POLR3A: variants seen among roughly 807,000 people sequenced by gnomAD.
The protein encoded by POLR3A is DNA-directed RNA polymerase III subunit RPC1.
Under a neutral mutation model 152.8 loss-of-function variants are expected in POLR3A, and 112 were observed. The ratio of observed to expected loss-of-function variants is 0.73; its 90% confidence interval spans 0.63 to 0.86. The LOEUF (loss-of-function observed/expected upper bound fraction) is 0.86. Ranked by LOEUF, POLR3A falls within the 40% of genes least tolerant of loss-of-function variation. The pLI is 0.00. For missense variants in POLR3A, 1,385 were observed against 1,743.1 expected, an observed-to-expected ratio of 0.79 and a Z score of 3.66; for synonymous variants, 615 against 652.1, an observed-to-expected ratio of 0.94 and a Z score of 0.87.
rs180866130 is a variant in POLR3A at position 77,977,277 on chromosome 10, C to A, written c.*201G>T. ...TAAAACCCTCAGCTCTCCCGAGCAGCGTGGCACAGTCAGGGTCACTGGTGT... is the reference window on the plus strand; with the variant it reads ...TAAAACCCTCAGCTCTCCCGAGCAGAGTGGCACAGTCAGGGTCACTGGTGT... On this transcript the variant is annotated 3_prime_UTR_variant, in exon 31 of 31. Coordinates refer to ENST00000372371, the MANE Select transcript of POLR3A (RefSeq NM_007055.4). 3 of 637,722 alleles carry A rather than the reference C, an allele frequency of 4.7e-6. No homozygotes were observed. The highest frequency in any genetic ancestry group is 2.8e-6 in the Non-Finnish European group (1 of 356,616). 39.5% of individuals were successfully genotyped at this position (637,722 alleles called of 1,614,324 possible).
At chr10:78,020,928 TTTAG>T (rs1203763735) in intron 8 of POLR3A, among the ~76,000 whole-genome samples, 5 of 152,190 alleles carry the variant, frequency 3.3e-5, no homozygotes, top group Non-Finnish European at 7.3e-5. Context: ...ATGTTTACCA[TTTAG>T]TTAGTTTAAA....
In POLR3A at chr10:78,004,999, G is replaced by A. The variant is rs76984671; in HGVS notation, c.2075-111C>T. ...TTTGTACTATATATAAACTATGTAT[G>A]TATAGTTTAAAGTATAAAAAAGTGT... On this transcript the variant is annotated intron_variant, in intron 15 of 30. Coordinates refer to ENST00000372371, the MANE Select transcript of POLR3A (RefSeq NM_007055.4). 1,001 of 828,324 alleles carry A rather than the reference G, an allele frequency of 1.2e-3. 12 individuals are homozygous for A. The East Asian group carries it at 0.024, about 20-fold the overall frequency. The allele number at this position is 828,324 out of a possible 1,614,324, so 51.3% of individuals were successfully genotyped here.
At chr10:78,022,124 A>G in intron 6 of POLR3A, 21 bp downstream of exon 6, 2 of 1,614,180 alleles carry the variant, frequency 1.2e-6, no homozygotes, top group Non-Finnish European at 8.5e-7. Flanking sequence ...TGAAACTTAC[A>G]AGGAAATGGG....
chr10:78,004,037 C>T (rs1330898552), intron 16 of POLR3A, among the ~76,000 whole-genome samples: 3 of 118,550 alleles, frequency 2.5e-5, no homozygotes, highest in South Asian at 2.9e-4. Context: ...AGATCGAGAC[C>T]GTGCTGGCCA....
chr10:77,975,902 A>G lies in POLR3A; in HGVS notation c.*1576T>C, dbSNP rs1359800118. 1 of 151,640 alleles carries G rather than the reference A, an allele frequency of 6.6e-6. No homozygotes were observed. Among genetic ancestry groups the G allele is most frequent in the Admixed American group, 6.6e-5 (1 of 15,202 alleles). 9.4% of individuals were successfully genotyped at this position (151,640 alleles called of 1,614,324 possible). Reference sequence around the variant, plus strand: ...AACTGGTGATCTCGGTGGGGTCTCAAGTAGAAGCCCTGAATTAGTGTTCAT... The same window carrying G: ...AACTGGTGATCTCGGTGGGGTCTCAGGTAGAAGCCCTGAATTAGTGTTCAT... On this transcript the variant is annotated 3_prime_UTR_variant, in exon 31 of 31. Coordinates refer to ENST00000372371, the MANE Select transcript of POLR3A (RefSeq NM_007055.4).
In POLR3A at chr10:77,980,284, G is replaced by C; in HGVS notation, c.3892-11C>G. 6.2e-7 allele frequency: 1 copy of C among 1,613,896 alleles called. No homozygotes were observed. The highest frequency in any genetic ancestry group is 1.1e-5 in the South Asian group (1 of 91,064). On this transcript the variant is annotated splice_polypyrimidine_tract_variant and intron_variant, in intron 29 of 30. Transcript: ENST00000372371. ...GCCCAGGACTTCACCCTGCGTCAAG[G>C]GAGAAAGAGTCACGGTGGTACTCAC...
chr10:78,021,678 T>C lies in POLR3A; in HGVS notation c.1053A>G (p.Arg351=), dbSNP rs376371251. 7.2e-5 allele frequency: 117 copies of C among 1,613,960 alleles called. No homozygotes were observed. Among genetic ancestry groups the C allele is most frequent in the Non-Finnish European group, 9.5e-5 (112 of 1,180,020 alleles). ...TCTTTCCTGAGAGATTTCCTCTAAA[T>C]CGACCTAAATAGCCAAAAACATGTC... ...FVQRLKGKQG[R]FRGNLSGKRV... The change falls in exon 8 of 31, where the codon CGA becomes CGG. Residue 351 remains arginine, a synonymous_variant. Transcript: ENST00000372371.
At chr10:78,007,064 C>T (rs889115099) in intron 15 of POLR3A, among the ~76,000 whole-genome samples, 1 of 151,868 alleles carries the variant, frequency 6.6e-6, no homozygotes, top group Non-Finnish European at 1.5e-5. Flanking sequence ...GAGCAAGACC[C>T]TATCTTCAAA....
chr10:77,986,774 C>T (rs1451399957), intron 21 of POLR3A, among the ~76,000 whole-genome samples: 1 of 152,196 alleles, frequency 6.6e-6, no homozygotes, highest in East Asian at 1.9e-4. Flanking sequence ...TGTAAGGATT[C>T]CTGGAAACCA....
At position 78,025,702 on chromosome 10, in the gene POLR3A, G is replaced by C. The variant is rs757014387; in HGVS notation, c.238C>G (p.Leu80Val). The change falls in exon 3 of 31, where the codon CTA becomes GTA. Residue 80 changes from leucine (L) to valine (V), a missense_variant. Coordinates refer to ENST00000372371, the MANE Select transcript of POLR3A (RefSeq NM_007055.4). ...AGGTCGATATACCCATAGTGGCCTA[G>C]ACAGTCAGCCAAGTTTTTCCCACAG... is the stretch of plus-strand genomic sequence containing the variant. ...ETCGKNLADC[L>V]GHYGYIDLEL... 11 of 1,613,960 alleles carry C rather than the reference G, an allele frequency of 6.8e-6. No individual in the cohort carries two copies. Among genetic ancestry groups the C allele is most frequent in the Non-Finnish European group, 9.3e-6 (11 of 1,179,878 alleles).
intron 27 of POLR3A, 56 bp downstream of exon 27, chr10:77,982,597 G>T: frequency 6.6e-7 from 1 of 1,513,746 alleles, no homozygotes; most frequent in Non-Finnish European, 9.2e-7. Context: ...TCCCAGCCCT[G>T]GGTGTCACAC....
At chr10:78,027,519 C>T (rs999315322) in intron 1 of POLR3A, among the ~76,000 whole-genome samples, 3 of 151,894 alleles carry the variant, frequency 2.0e-5, no homozygotes, top group East Asian at 1.9e-4. Flanking sequence ...ATTTGCTAGG[C>T]GTGATGGCCC....
At chr10:78,002,066 C>G in intron 17 of POLR3A, 131 bp downstream of exon 17, 1 of 622,346 alleles carries the variant, frequency 1.6e-6, no homozygotes, top group Non-Finnish European at 2.9e-6. Flanking sequence ...AATTAAGTCT[C>G]TCTCTCTGAT....
chr10:77,987,942 C>A (rs1257555121), intron 21 of POLR3A, among the ~76,000 whole-genome samples: 1 of 152,238 alleles, frequency 6.6e-6, no homozygotes. Context: ...CAACCAACCA[C>A]TCCACGAAGT....
chr10:77,997,884 C>A (rs1261780897), intron 19 of POLR3A, among the ~76,000 whole-genome samples: 1 of 146,928 alleles, frequency 6.8e-6, no homozygotes, highest in African/African-American at 2.7e-5. Context: ...GGAGGCATCA[C>A]GCTACCTGAC....
At chr10:78,026,716 C>T (rs1009405042) in intron 1 of POLR3A, among the ~76,000 whole-genome samples, 1 of 152,196 alleles carries the variant, frequency 6.6e-6, no homozygotes, top group Non-Finnish European at 1.5e-5. Context: ...ATCTTCTCAT[C>T]CTACACATTC....
chr10:78,025,427 T>C (rs1212216976), intron 3 of POLR3A, among the ~76,000 whole-genome samples, 195 bp downstream of exon 3: 1 of 152,212 alleles, frequency 6.6e-6, no homozygotes, highest in Admixed American at 6.5e-5. Context: ...GTATCTACCA[T>C]CTTCTCAAGG....
At chr10:78,023,423 G>A (rs969560475) in intron 5 of POLR3A, among the ~76,000 whole-genome samples, 1 of 151,990 alleles carries the variant, frequency 6.6e-6, no homozygotes, top group East Asian at 1.9e-4. Flanking sequence ...TCGTGCAACC[G>A]CACTCCAGCC....
At chr10:77,984,589 G>A (rs1223282715) in intron 24 of POLR3A, among the ~76,000 whole-genome samples, 7 of 152,168 alleles carry the variant, frequency 4.6e-5, no homozygotes, top group Admixed American at 1.3e-4. Flanking sequence ...TGATCTGCCC[G>A]CCTCAGCCTC....
Sources: gnomAD v4.1 joint callset for allele counts (sites outside exome capture counted in the v4.1 genomes callset) on GRCh38, gnomAD v4.1.1 for gene constraint, MANE v1.5 for transcripts, NCBI Gene and HGNC (gene_info 2026-07-23, HGNC 2026-07-21) for gene names.